The following USH2A variants were observed in gnomAD, a reference collection of about 807,000 sequenced individuals.
The protein encoded by USH2A is Usher syndrome 2A (autosomal recessive, mild).
In USH2A, 443 loss-of-function variants were observed where a neutral mutation model predicts 538.9. That is an observed-to-expected ratio of 0.82 (90% CI 0.76 to 0.89). The LOEUF (loss-of-function observed/expected upper bound fraction) is 0.89, where lower values mean the gene tolerates loss of function less well. Among genes scored for constraint, USH2A ranks in the 40% least tolerant of loss-of-function variants. The pLI is 0.00. For synonymous variants in USH2A, 2,413 were observed against 2,273.5 expected, an observed-to-expected ratio of 1.06 and a Z score of -1.75; for missense variants, 6,633 against 6,324.8, an observed-to-expected ratio of 1.05 and a Z score of -1.65.
At chr1:215,688,796 T>C (rs1177429788) in intron 61 of USH2A, among the ~76,000 whole-genome samples, 1 of 152,104 alleles carries the variant, frequency 6.6e-6, no homozygotes, top group African/African-American at 2.4e-5. Flanking sequence ...AGAGGCCCTA[T>C]CTCCAAATAC....
intron 38 of USH2A, among the ~76,000 whole-genome samples, chr1:215,908,633 T>G (rs778703860): frequency 1.1e-4 from 17 of 151,912 alleles, no homozygotes; most frequent in Non-Finnish European, 2.2e-4. Flanking sequence ...AAGAAAAACA[T>G]TAAGATGAAT....
intron 41 of USH2A, 56 bp downstream of exon 41, chr1:215,888,370 T>G: frequency 1.9e-6 from 3 of 1,605,314 alleles, no homozygotes; most frequent in Non-Finnish European, 1.7e-6. Flanking sequence ...CAACACAGAG[T>G]CAATCCAGGG....
intron 14 of USH2A, among the ~76,000 whole-genome samples, chr1:216,228,851 A>G (rs12240093): frequency 0.027 from 4,037 of 152,274 alleles, 192 homozygotes; most frequent in African/African-American, 0.091. Flanking sequence ...ATGTAAAGAT[A>G]TCCAAACTCA....
At chr1:215,912,455 A>ATATATATATATATATATATACG (rs1665813293) in intron 38 of USH2A, among the ~76,000 whole-genome samples, 1 of 124,338 alleles carries the variant, frequency 8.0e-6, no homozygotes, top group Non-Finnish European at 1.7e-5. Context: ...AGGTATGTGT[A>ATATATATATATATATATATACG]TATATATATA....
chr1:216,083,875 TAAC>T (rs1416319429), intron 25 of USH2A, among the ~76,000 whole-genome samples: 2 of 152,154 alleles, frequency 1.3e-5, no homozygotes, highest in East Asian at 3.8e-4. Context: ...AGATAAATAT[TAAC>T]AATAAGTAGT....
chr1:215,775,904 A>G (rs1287484156), intron 55 of USH2A, among the ~76,000 whole-genome samples: 1 of 152,226 alleles, frequency 6.6e-6, no homozygotes, highest in African/African-American at 2.4e-5. Flanking sequence ...TTTTCCTTTT[A>G]AATGAAATGC....
chr1:216,370,724 G>A lies in USH2A; in HGVS notation c.652-5639C>T, dbSNP rs114227336. ...AAAATACTCAAGGTGCTATAGAAGCGTGACTGGTGGTTTCAGAGACAGTTT... is the reference window on the plus strand; with the variant it reads ...AAAATACTCAAGGTGCTATAGAAGCATGACTGGTGGTTTCAGAGACAGTTT... On this transcript the variant is annotated intron_variant, in intron 3 of 71. Coordinates refer to ENST00000307340, the MANE Select transcript of USH2A (RefSeq NM_206933.4). 4.7e-3 allele frequency among the ~76,000 whole-genome samples: 690 copies of A among 146,112 alleles called. 4 individuals are homozygous for A. The highest frequency in any genetic ancestry group is 0.016 in the African/African-American group (639 of 39,130).
intron 21 of USH2A, among the ~76,000 whole-genome samples, chr1:216,133,497 T>C (rs1374267817): frequency 6.6e-6 from 1 of 152,090 alleles, no homozygotes; most frequent in East Asian, 1.9e-4. Context: ...AAGCATTAAG[T>C]GTTCCAAAGC....
chr1:215,681,490 T>C (rs1245235548), intron 61 of USH2A, among the ~76,000 whole-genome samples: 2 of 152,172 alleles, frequency 1.3e-5, no homozygotes, highest in Non-Finnish European at 2.9e-5. Flanking sequence ...TACATGGTCT[T>C]CAATTGTCTT....
At chr1:216,366,558 T>C (rs538983690) in intron 3 of USH2A, among the ~76,000 whole-genome samples, 1 of 152,072 alleles carries the variant, frequency 6.6e-6, no homozygotes, top group South Asian at 2.1e-4. Flanking sequence ...ATGTGTACTA[T>C]TGCCTTAAAA....
intron 29 of USH2A, among the ~76,000 whole-genome samples, chr1:216,071,836 G>A (rs1289230582): frequency 3.3e-5 from 5 of 152,188 alleles, no homozygotes; most frequent in African/African-American, 1.2e-4. Flanking sequence ...TAGCTCTGAA[G>A]TTGAAAAGAA....
intron 10 of USH2A, 40 bp downstream of exon 10, chr1:216,292,135 C>T (rs777952548): frequency 1.3e-6 from 2 of 1,600,006 alleles, no homozygotes; most frequent in African/African-American, 1.3e-5. Context: ...TAGAAGCACA[C>T]AGGCCTCCAA....
At chr1:216,300,115 A>C (rs2037184661) in intron 9 of USH2A, among the ~76,000 whole-genome samples, 3 of 152,234 alleles carry the variant, frequency 2.0e-5, no homozygotes. Flanking sequence ...TAACCATGAC[A>C]AAATGGAAGA....
At chr1:215,954,598 A>T (rs1253810708) in intron 37 of USH2A, among the ~76,000 whole-genome samples, 1 of 151,102 alleles carries the variant, frequency 6.6e-6, no homozygotes, top group African/African-American at 2.4e-5. Flanking sequence ...TAGCATTAGG[A>T]GATATACCCA....
chr1:215,881,824 T>A (rs187944454), intron 41 of USH2A, among the ~76,000 whole-genome samples: 2 of 111,566 alleles, frequency 1.8e-5, no homozygotes, highest in Admixed American at 1.7e-4. Context: ...CAGGTTTCCA[T>A]TTTTTCTGTT....
chr1:215,808,574 T>C (rs1179394204), intron 49 of USH2A, among the ~76,000 whole-genome samples: 1 of 152,130 alleles, frequency 6.6e-6, no homozygotes, highest in Non-Finnish European at 1.5e-5. Context: ...GCTATCCCTG[T>C]ATAGTCACAT....
At chr1:216,249,894 G>C (rs996290315) in intron 12 of USH2A, among the ~76,000 whole-genome samples, 31 of 152,140 alleles carry the variant, frequency 2.0e-4, no homozygotes, top group African/African-American at 6.7e-4. Flanking sequence ...GAGAGAGAGA[G>C]AGGAGTGTGT....
chr1:216,249,874 G>A (rs2036125441), intron 12 of USH2A, among the ~76,000 whole-genome samples: 1 of 152,048 alleles, frequency 6.6e-6, no homozygotes, highest in Admixed American at 6.6e-5. Context: ...TCGTGTGTGT[G>A]TGTGAGAGAG....
intron 37 of USH2A, among the ~76,000 whole-genome samples, chr1:215,939,454 A>G (rs1006646584): frequency 6.4e-4 from 98 of 152,172 alleles, no homozygotes; most frequent in African/African-American, 2.3e-3. Flanking sequence ...CTTATAAAAA[A>G]ACCTTTTCTT....
Sources: gnomAD v4.1 joint callset for allele counts (sites outside exome capture counted in the v4.1 genomes callset) on GRCh38, gnomAD v4.1.1 for gene constraint, MANE v1.5 for transcripts, NCBI Gene and HGNC (gene_info 2026-07-23, HGNC 2026-07-21) for gene names.